The following RFC3 variants were observed in gnomAD, a reference collection of about 807,000 sequenced individuals.
RFC3 encodes the protein A1 38 kDa subunit.
A neutral mutation model predicts 45.1 loss-of-function variants in RFC3; 41 were observed. That is an observed-to-expected ratio of 0.91 (90% CI 0.71 to 1.18). The LOEUF (loss-of-function observed/expected upper bound fraction) is 1.18. RFC3 is among the 50% of genes most tolerant of loss of function. RFC3 has a pLI of 0.00. For synonymous variants in RFC3, 149 were observed against 144.0 expected (o/e 1.03, Z -0.25); for missense variants, 423 against 428.1 (o/e 0.99, Z 0.10).
At chr13:33,872,906 A>G (rs1034498260) in intron 8 of RFC3, among the ~76,000 whole-genome samples, 6 of 149,600 alleles carry the variant, frequency 4.0e-5, no homozygotes, top group African/African-American at 7.3e-5. Flanking sequence ...TAAATGAAGA[A>G]TGTTTTCATT....
intron 2 of RFC3, among the ~76,000 whole-genome samples, chr13:33,822,716 C>T (rs2082014684): frequency 1.3e-5 from 2 of 151,966 alleles, no homozygotes; most frequent in African/African-American, 4.8e-5. Context: ...AGATAAATTC[C>T]AGATGAATTA....
chr13:33,893,069 G>A (rs1416500192), intron 8 of RFC3, among the ~76,000 whole-genome samples: 1 of 152,160 alleles, frequency 6.6e-6, no homozygotes, highest in Non-Finnish European at 1.5e-5. Flanking sequence ...CTGAGGACAG[G>A]CCGAGAGAAG....
chr13:33,946,677 A>G (rs1439847046), intron 8 of RFC3, among the ~76,000 whole-genome samples: 6 of 152,250 alleles, frequency 3.9e-5, no homozygotes, highest in Admixed American at 3.9e-4. Flanking sequence ...CATGCAGTTC[A>G]TAAAATATGT....
intron 8 of RFC3, among the ~76,000 whole-genome samples, chr13:33,897,796 C>T (rs1470828062): frequency 6.6e-6 from 1 of 151,832 alleles, no homozygotes; most frequent in Non-Finnish European, 1.5e-5. Flanking sequence ...GACTACAAAT[C>T]AAAGACTGTA....
At chr13:33,910,671 T>C (rs1432762700) in intron 8 of RFC3, among the ~76,000 whole-genome samples, 1 of 152,080 alleles carries the variant, frequency 6.6e-6, no homozygotes, top group African/African-American at 2.4e-5. Context: ...CGCAATAGGC[T>C]ATAAGAGCTC....
intron 8 of RFC3, among the ~76,000 whole-genome samples, chr13:33,862,258 T>TTC (rs1287115829): frequency 2.0e-5 from 3 of 151,588 alleles, no homozygotes; most frequent in African/African-American, 7.3e-5. Flanking sequence ...CAGCAAAGTT[T>TTC]TTTTTTTTTT....
chr13:33,935,985 A>G (rs996232173), intron 8 of RFC3, among the ~76,000 whole-genome samples: 10 of 152,166 alleles, frequency 6.6e-5, no homozygotes, highest in African/African-American at 2.4e-4. Context: ...GCTGGGAGCT[A>G]TGTATGGCTC....
At chr13:33,972,668 GC>G in the RFC3 span, among the ~76,000 whole-genome samples, 8 of 152,272 alleles carry the variant, frequency 5.3e-5, no homozygotes, top group South Asian at 2.1e-4. Flanking sequence ...AAAATTGGTA[GC>G]CTGGAAATGT....
intron 8 of RFC3, among the ~76,000 whole-genome samples, chr13:33,955,353 T>C (rs80183194): frequency 1.3e-5 from 2 of 152,184 alleles, no homozygotes; most frequent in East Asian, 1.9e-4. Flanking sequence ...GTATTTTTTT[T>C]CCTTATGCTA....
chr13:33,870,331 T>G (rs1425545818), intron 8 of RFC3, among the ~76,000 whole-genome samples: 16 of 152,182 alleles, frequency 1.1e-4, no homozygotes, highest in Non-Finnish European at 1.8e-4. Flanking sequence ...TTTTCTCTGG[T>G]GTGTACAGAA....
At chr13:33,848,624 A>G (rs1383142701) in intron 8 of RFC3, 2 of 152,078 alleles carry the variant, frequency 1.3e-5, no homozygotes, top group Non-Finnish European at 2.9e-5. Context: ...TCATTTGTCA[A>G]GCTCTGGCCT....
intron 8 of RFC3, among the ~76,000 whole-genome samples, chr13:33,960,876 G>A (rs927549198): frequency 1.3e-5 from 2 of 152,164 alleles, no homozygotes; most frequent in Non-Finnish European, 2.9e-5. Flanking sequence ...TTGGGGCCAC[G>A]TTTAAATCAT....
At chr13:33,839,976 T>G (rs75075091), downstream of RFC3, among the ~76,000 whole-genome samples, 206 of 152,330 alleles carry the variant, frequency 1.4e-3, 1 homozygote, top group African/African-American at 3.9e-3. Flanking sequence ...TGAAGAGAGA[T>G]ATGTAGTCAT....
At chr13:33,886,627 T>G (rs1252520304) in intron 8 of RFC3, among the ~76,000 whole-genome samples, 1 of 151,718 alleles carries the variant, frequency 6.6e-6, no homozygotes, top group Admixed American at 6.6e-5. Context: ...AGCATCCTTT[T>G]TTTTTTCAAT....
rs550927934 is a variant in RFC3, at chr13:33,826,875, G to A, written c.391+989G>A. ...TCCAATAGTGTGGTTAATAGTAATA[G>A]AGATAGCAGATGTCCATGTCATGAC... is the stretch of plus-strand genomic sequence containing the variant. On this transcript the variant is annotated intron_variant, in intron 4 of 8. Transcript: ENST00000380071. Among the ~76,000 whole-genome samples, 10 of 152,170 alleles carry A rather than the reference G, an allele frequency of 6.6e-5. No individual in the cohort carries two copies. The East Asian group carries it at 1.9e-3, about 29-fold the overall frequency.
intron 8 of RFC3, among the ~76,000 whole-genome samples, chr13:33,888,755 T>G (rs2082543949): frequency 6.6e-6 from 1 of 151,826 alleles, no homozygotes; most frequent in Non-Finnish European, 1.5e-5. Context: ...ATCTTTTTTT[T>G]TTTTTTTTGA....
chr13:33,918,064 CTT>C (rs2082744488), intron 8 of RFC3, among the ~76,000 whole-genome samples: 1 of 152,098 alleles, frequency 6.6e-6, no homozygotes, highest in South Asian at 2.1e-4. Flanking sequence ...GTTGAGGAAA[CTT>C]GGATTCAGAA....
downstream of RFC3, among the ~76,000 whole-genome samples, chr13:33,841,541 TATA>T (rs975337766): frequency 6.6e-6 from 1 of 152,224 alleles, no homozygotes; most frequent in Non-Finnish European, 1.5e-5. Flanking sequence ...CTGTAGCTTA[TATA>T]ATAATACAGT....
intron 8 of RFC3, among the ~76,000 whole-genome samples, chr13:33,918,107 CAGGAG>C (rs1360104214): frequency 6.6e-6 from 1 of 152,132 alleles, no homozygotes; most frequent in African/African-American, 2.4e-5. Context: ...GGTCATTGAG[CAGGAG>C]AGTGACAGAG....
Sources: gnomAD v4.1 joint callset for allele counts (sites outside exome capture counted in the v4.1 genomes callset) on GRCh38, gnomAD v4.1.1 for gene constraint, MANE v1.5 for transcripts, NCBI Gene and HGNC (gene_info 2026-07-23, HGNC 2026-07-21) for gene names.